FOXK1: variants seen among roughly 807,000 people sequenced by gnomAD.
FOXK1 encodes forkhead box K1.
FOXK1 carries 19 observed loss-of-function variants against 51.9 expected under a neutral mutation model. The ratio of observed to expected loss-of-function variants is 0.37; its 90% CI spans 0.26 to 0.54. FOXK1 has a LOEUF of 0.54. FOXK1 is among the 20% of genes least tolerant of loss of function. The pLI is 0.87. For synonymous variants in FOXK1, 537 were observed against 482.6 expected, an observed-to-expected ratio of 1.11 and a Z score of -1.48; for missense variants, 870 against 1,032.7, an observed-to-expected ratio of 0.84 and a Z score of 2.16.
Position 4,755,436 on chromosome 7 carries a change from A to T in FOXK1, c.1050+53A>T. 6.3e-7 allele frequency: 1 copy of T among 1,597,390 alleles called. No homozygotes were observed. ...GCCTCTGAAGGCCCTTAGAACATGG[A>T]ACTCACAGGCATATTGCTTCCCTTA... On this transcript the variant is annotated intron_variant, in intron 4 of 8. Coordinates refer to ENST00000328914, the MANE Select transcript of FOXK1 (RefSeq NM_001037165.2). This position sits in a 1 kb window ranked among gnomAD's most constrained non-coding sequence, Gnocchi z 6.6.
At chr7:4,690,529 G>A (rs901865564) in intron 1 of FOXK1, among the ~76,000 whole-genome samples, 7 of 152,220 alleles carry the variant, frequency 4.6e-5, no homozygotes, top group African/African-American at 1.7e-4. Context: ...TTTGGTGTAC[G>A]CTGAATTTTT....
chr7:4,701,859 C>T (rs1780024827), intron 1 of FOXK1, among the ~76,000 whole-genome samples: 1 of 152,226 alleles, frequency 6.6e-6, no homozygotes, highest in South Asian at 2.1e-4. Context: ...CGCCACTGCA[C>T]TCCAGCCTGG....
In FOXK1 at chr7:4,745,142, G is replaced by T. The variant is rs886883145; in HGVS notation, c.746+4119G>T. On this transcript the variant is annotated intron_variant, in intron 2 of 8. Transcript: ENST00000328914. The surrounding 1 kb of genome is among the most constrained non-coding windows in gnomAD (Gnocchi z 4.3). ...TAACAGATCGGGAGGTGGGAGCGGG[G>T]CCAGGCCAGAAGAGCTGGCTGCCTG... 7.5e-4 allele frequency among the ~76,000 whole-genome samples: 115 copies of T among 152,324 alleles called. 1 individual carries two copies. Among genetic ancestry groups the T allele is most frequent in the African/African-American group, 2.6e-3 (107 of 41,568 alleles).
chr7:4,739,911 G>A (rs1303814674), intron 1 of FOXK1, among the ~76,000 whole-genome samples: 1 of 152,234 alleles, frequency 6.6e-6, no homozygotes, highest in African/African-American at 2.4e-5. Context: ...ACAGGAAGTA[G>A]CCGTGTCTGT....
rs1780145828 is a variant in FOXK1 at position 4,709,370 on chromosome 7, C to A, written c.560+26502C>A. Among the ~76,000 whole-genome samples, 2 of 152,200 alleles carry A rather than the reference C, an allele frequency of 1.3e-5. No homozygotes were observed. The highest frequency in any genetic ancestry group is 4.1e-4 in the South Asian group (2 of 4,830). On this transcript the variant is annotated intron_variant, in intron 1 of 8. Transcript: ENST00000328914. This position sits in a 1 kb window ranked among gnomAD's most constrained non-coding sequence, Gnocchi z 5.6. The stretch of plus-strand genomic sequence containing the variant: ...CACGTTGCTGCGTCCACGAGCCTGG[C>A]TTCCGCTTCCATTCTCAGGGTCTGG...
In FOXK1 at chr7:4,723,234, C is replaced by G. The variant is rs1274426793; in HGVS notation, c.561-17604C>G. On this transcript the variant is annotated intron_variant, in intron 1 of 8. Transcript: ENST00000328914. The surrounding 1 kb of genome is among the most constrained non-coding windows in gnomAD (Gnocchi z 4.7). ...ATGGCGGCTTGCACGTTGCACGTCC[C>G]CCGGCTCAGCACCGAGCAAGTGGGC... Among the ~76,000 whole-genome samples the G allele has an allele frequency of 1.3e-5, 2 of 152,106 alleles. No individual in the cohort carries two copies. The highest frequency in any genetic ancestry group is 2.1e-4 in the South Asian group (1 of 4,772).
At chr7:4,705,776 A>ACCC (rs147171236) in intron 1 of FOXK1, among the ~76,000 whole-genome samples, 25 of 125,212 alleles carry the variant, frequency 2.0e-4, no homozygotes, top group African/African-American at 6.3e-4. Flanking sequence ...CAACCTCGTG[A>ACCC]CCCCCCCCCG....
At chr7:4,746,511 T>A (rs1308227598) in intron 2 of FOXK1, among the ~76,000 whole-genome samples, 1 of 151,504 alleles carries the variant, frequency 6.6e-6, no homozygotes, top group Non-Finnish European at 1.5e-5. Flanking sequence ...GAGACCCCCA[T>A]CTCTAAAAAA....
At position 4,682,621 on chromosome 7, in the gene FOXK1, G is replaced by T; in HGVS notation, c.313G>T (p.Ala105Ser). The change falls in exon 1 of 9, where the codon GCG (alanine) becomes TCG (serine). Residue 105 changes from alanine (A) to serine (S), a missense_variant. Around this residue, in one of 3 missense-constraint regions of FOXK1, gnomAD observed 399 missense variants for 475.6 expected, o/e 0.84. Transcript: ENST00000328914. This position sits in a 1 kb window ranked among gnomAD's most constrained non-coding sequence, Gnocchi z 7.6. ...CTCGGTACGGCAGAGCCCGGGGCCG[G>T]CGCTGGCGCGGCTGGAGGGCCGCGA... ...AASVRQSPGP[A>S]LARLEGREFE... 1 of 1,524,268 alleles carries T rather than the reference G, an allele frequency of 6.6e-7. No individual in the cohort carries two copies. The allele number at this position is 1,524,268 out of a possible 1,614,324, so 94.4% of individuals were successfully genotyped here. A position where few individuals can be genotyped will look rare whatever the true frequency, so the allele number is the denominator to read the frequency against.
At position 4,682,669 on chromosome 7, in the gene FOXK1, C is replaced by A. The variant is rs761489465; in HGVS notation, c.361C>A (p.Pro121Thr). ...GREFEFLMRQ[P>T]SVTIGRNSSQ... ...CGAGTTCGAGTTCCTCATGCGCCAGCCCAGCGTCACCATCGGCCGCAACTC... is the reference window on the plus strand; with the variant it reads ...CGAGTTCGAGTTCCTCATGCGCCAGACCAGCGTCACCATCGGCCGCAACTC... Residue 121 changes from proline (P) to threonine (T), a missense_variant, in exon 1 of 9, where the codon CCC (proline) becomes ACC (threonine). By Grantham distance (38) the Pro-to-Thr change is conservative. Around this residue, in one of 3 missense-constraint regions of FOXK1, gnomAD observed 399 missense variants for 475.6 expected, o/e 0.84. Coordinates refer to ENST00000328914, the MANE Select transcript of FOXK1 (RefSeq NM_001037165.2). The surrounding 1 kb of genome is among the most constrained non-coding windows in gnomAD (Gnocchi z 7.6). 2 of 1,591,730 alleles carry A rather than the reference C, an allele frequency of 1.3e-6. No homozygotes were observed. Among genetic ancestry groups the A allele is most frequent in the East Asian group, 4.6e-5 (2 of 43,748 alleles).
rs779211700 is a variant in FOXK1, at chr7:4,761,672, G to A, written c.1921+384G>A. 3.3e-5 allele frequency among the ~76,000 whole-genome samples: 5 copies of A among 152,206 alleles called. No homozygotes were observed. The highest frequency in any genetic ancestry group is 2.0e-4 in the Admixed American group (3 of 15,290). Reference sequence around the variant, plus strand: ...TGATTGCTCCGCTACCTGCCAGCCTGGGTGACTGAGCGAGACCCTGTCCCT... The same window carrying A: ...TGATTGCTCCGCTACCTGCCAGCCTAGGTGACTGAGCGAGACCCTGTCCCT... On this transcript the variant is annotated intron_variant, in intron 8 of 8. Coordinates refer to ENST00000328914, the MANE Select transcript of FOXK1 (RefSeq NM_001037165.2). This position sits in a 1 kb window ranked among gnomAD's most constrained non-coding sequence, Gnocchi z 6.2.
rs548279483 is a variant in FOXK1, at chr7:4,689,916, G to A, written c.560+7048G>A. 4.6e-5 allele frequency among the ~76,000 whole-genome samples: 7 copies of A among 152,268 alleles called. No homozygotes were observed. In the South Asian group the frequency reaches 1.0e-3, roughly 23 times the overall value. ...ACGCTTGGCTGGTGCAGGAGTGGGCGTATGTGCTGAGCTGGGCTTTGCACT... is the reference window on the plus strand; with the variant it reads ...ACGCTTGGCTGGTGCAGGAGTGGGCATATGTGCTGAGCTGGGCTTTGCACT... On this transcript the variant is annotated intron_variant, in intron 1 of 8. Coordinates refer to ENST00000328914, the MANE Select transcript of FOXK1 (RefSeq NM_001037165.2).
At chr7:4,719,444 G>A (rs938893096) in intron 1 of FOXK1, among the ~76,000 whole-genome samples, 1 of 151,276 alleles carries the variant, frequency 6.6e-6, no homozygotes, top group Admixed American at 6.6e-5. Context: ...CTAGGGAGTA[G>A]GTAGCTGTCT....
chr7:4,696,791 G>A (rs1199813594), intron 1 of FOXK1, among the ~76,000 whole-genome samples: 1 of 152,190 alleles, frequency 6.6e-6, no homozygotes, highest in Non-Finnish European at 1.5e-5. Context: ...CTTCGGGCCA[G>A]GTGCTGTGGC....
rs1256708659 is a variant in FOXK1 at position 4,729,024 on chromosome 7, A to T, written c.561-11814A>T. Among the ~76,000 whole-genome samples, 1 of 152,206 alleles carries T rather than the reference A, an allele frequency of 6.6e-6. No homozygotes were observed. The highest frequency in any genetic ancestry group is 6.5e-5 in the Admixed American group (1 of 15,284). The stretch of plus-strand genomic sequence containing the variant: ...TCTTAAATCAGCGTAGAGACAGAAG[A>T]TGAAAGTTAACCTGAATTGCTCGTC... On this transcript the variant is annotated intron_variant, in intron 1 of 8. Coordinates refer to ENST00000328914, the MANE Select transcript of FOXK1 (RefSeq NM_001037165.2). The surrounding 1 kb of genome is among the most constrained non-coding windows in gnomAD (Gnocchi z 6.2).
At chr7:4,724,085 A>G (rs1431975467) in intron 1 of FOXK1, among the ~76,000 whole-genome samples, 1 of 152,216 alleles carries the variant, frequency 6.6e-6, no homozygotes, top group Non-Finnish European at 1.5e-5. Context: ...TGACCTTGCC[A>G]TAGCAGCTCT....
intron 1 of FOXK1, among the ~76,000 whole-genome samples, chr7:4,721,141 T>C (rs1780304121): frequency 6.6e-6 from 1 of 152,222 alleles, no homozygotes; most frequent in Admixed American, 6.5e-5. Flanking sequence ...GTCAGCAGCC[T>C]CCCTCTGTGC....
rs1378154458 is a variant in FOXK1, at chr7:4,761,188, C to T, written c.1821C>T (p.Ala607=). 1.2e-6 allele frequency: 2 copies of T among 1,613,054 alleles called. No homozygotes were observed. Among genetic ancestry groups the T allele is most frequent in the East Asian group, 4.5e-5 (2 of 44,870 alleles). The change falls in exon 8 of 9, where the codon GCC becomes GCT. Residue 607 remains alanine, a synonymous_variant. Transcript: ENST00000328914. The surrounding 1 kb of genome is among the most constrained non-coding windows in gnomAD (Gnocchi z 6.2). ...PGHTVTILQP[A]TPVTLGQHHL... is the part of the protein sequence containing the mutation. ...ACACGGTCACCATCCTGCAGCCCGCCACACCCGTGACCCTCGGGCAGCACC... is the reference window on the plus strand; with the variant it reads ...ACACGGTCACCATCCTGCAGCCCGCTACACCCGTGACCCTCGGGCAGCACC...
chr7:4,694,792 G>A (rs778863946), intron 1 of FOXK1, among the ~76,000 whole-genome samples: 5 of 152,146 alleles, frequency 3.3e-5, no homozygotes, highest in Admixed American at 6.6e-5. Context: ...AGCAGAGACC[G>A]TCTCATTCCC....
Sources: allele counts gnomAD v4.1 joint callset (sites outside exome capture counted in the v4.1 genomes callset), GRCh38; gene constraint gnomAD v4.1.1; regional missense constraint gnomAD v4.1.1; non-coding constraint Gnocchi (gnomAD v3.1); transcripts MANE v1.5; gene names NCBI Gene and HGNC (gene_info 2026-07-23, HGNC 2026-07-21).